Variants in ADGRL2 observed in about 807,000 individuals in gnomAD.
ADGRL2 encodes calcium-independent alpha-latrotoxin receptor 2.
Under a neutral mutation model 157.4 loss-of-function variants are expected in ADGRL2, and 44 were observed. The ratio of observed to expected loss-of-function variants is 0.28; its 90% CI spans 0.22 to 0.36. The LOEUF (loss-of-function observed/expected upper bound fraction) is 0.36, where lower values mean the gene tolerates loss of function less well. Among genes scored for constraint, ADGRL2 ranks in the 10% least tolerant of loss-of-function variants. The pLI is 1.00. For missense variants in ADGRL2, 1,510 were observed against 1,768.9 expected, an observed-to-expected ratio of 0.85 and a Z score of 2.63; for synonymous variants, 585 against 624.7, an observed-to-expected ratio of 0.94 and a Z score of 0.95.
At chr1:81,462,653 A>G (rs543634662) in intron 2 of ADGRL2, among the ~76,000 whole-genome samples, 4 of 152,326 alleles carry the variant, frequency 2.6e-5, no homozygotes, top group African/African-American at 7.2e-5. Flanking sequence ...TCTCATTAAC[A>G]TCTTGCTCCT....
At chr1:81,898,298 C>T (rs1191686429) in intron 2 of ADGRL2, among the ~76,000 whole-genome samples, 1 of 152,162 alleles carries the variant, frequency 6.6e-6, no homozygotes, top group African/African-American at 2.4e-5. Flanking sequence ...CACTTATATA[C>T]AAATTACAAC....
intron 1 of ADGRL2, among the ~76,000 whole-genome samples, chr1:81,351,170 A>G (rs886884035): frequency 2.0e-5 from 3 of 151,954 alleles, no homozygotes; most frequent in Admixed American, 6.5e-5. Context: ...TTAAAGTTGC[A>G]GGAGCCTGGA....
intron 2 of ADGRL2, among the ~76,000 whole-genome samples, chr1:81,547,613 A>G (rs2148364729): frequency 6.6e-6 from 1 of 152,362 alleles, no homozygotes; most frequent in East Asian, 1.9e-4. Context: ...CTCAATAGTT[A>G]AAGAAGAAAT....
chr1:81,640,557 G>A (rs1037141762), intron 3 of ADGRL2, among the ~76,000 whole-genome samples: 16 of 151,728 alleles, frequency 1.1e-4, no homozygotes, highest in East Asian at 3.9e-4. Flanking sequence ...ACTTGAACCC[G>A]GGAGGCGGAG....
chr1:81,501,781 T>TCAGCAGCAGCAGCAGTAGCAG (rs2078854054), intron 2 of ADGRL2: 1 of 1,490,054 alleles, frequency 6.7e-7, no homozygotes, highest in South Asian at 1.2e-5. Context: ...TGGAGCCACT[T>TCAGCAGCAGCAGCAGTAGCAG]CAGCAGCAGC....
At chr1:81,982,006 G>A in intron 19 of ADGRL2, 30 bp downstream of exon 19, 1 of 1,576,332 alleles carries the variant, frequency 6.3e-7, no homozygotes, top group Non-Finnish European at 8.7e-7. Flanking sequence ...TAGGGGCTCA[G>A]GTTACTCATT....
At chr1:81,881,126 C>A (rs1461113413) in intron 2 of ADGRL2, among the ~76,000 whole-genome samples, 1 of 151,904 alleles carries the variant, frequency 6.6e-6, no homozygotes, top group Non-Finnish European at 1.5e-5. Flanking sequence ...ATTGCTAGAA[C>A]TTTATATATA....
chr1:81,331,382 G>C (rs747341153), intron 1 of ADGRL2, among the ~76,000 whole-genome samples: 1 of 152,002 alleles, frequency 6.6e-6, no homozygotes, highest in Non-Finnish European at 1.5e-5. Context: ...GGTATGTTAC[G>C]TTTACTTTGT....
chr1:81,839,764 TC>T (rs897127663), intron 2 of ADGRL2, among the ~76,000 whole-genome samples: 11 of 148,162 alleles, frequency 7.4e-5, no homozygotes, highest in East Asian at 2.0e-4. Context: ...TGTATTTTTT[TC>T]ATCATATATA....
At chr1:81,971,008 A>T (rs2149332148) in intron 16 of ADGRL2, among the ~76,000 whole-genome samples, 1 of 152,246 alleles carries the variant, frequency 6.6e-6, no homozygotes, top group South Asian at 2.1e-4. Context: ...GTTTGAAAGG[A>T]TTAAAATAAG....
intron 2 of ADGRL2, among the ~76,000 whole-genome samples, chr1:81,904,346 A>C (rs2094546586): frequency 6.6e-6 from 1 of 152,248 alleles, no homozygotes; most frequent in African/African-American, 2.4e-5. Flanking sequence ...TTAATGATTT[A>C]AATCAAAATA....
intron 2 of ADGRL2, among the ~76,000 whole-genome samples, chr1:81,493,139 C>G (rs2078666802): frequency 6.6e-6 from 1 of 152,180 alleles, no homozygotes; most frequent in Non-Finnish European, 1.5e-5. Flanking sequence ...CAGAGTCATT[C>G]AGCCTCCAAC....
At chr1:81,664,198 A>G (rs977313741) in intron 3 of ADGRL2, among the ~76,000 whole-genome samples, 7 of 152,196 alleles carry the variant, frequency 4.6e-5, no homozygotes, top group Non-Finnish European at 2.9e-5. Flanking sequence ...TCAAAGAAAT[A>G]TTGGTCAAAT....
At chr1:81,913,331 T>C (rs952431408) in intron 3 of ADGRL2, among the ~76,000 whole-genome samples, 1 of 152,244 alleles carries the variant, frequency 6.6e-6, no homozygotes, top group Admixed American at 6.5e-5. Flanking sequence ...GTATGTGCAT[T>C]ACTTTGTTCT....
At chr1:81,940,450 G>T (rs1647477226) in intron 4 of ADGRL2, among the ~76,000 whole-genome samples, 1 of 151,540 alleles carries the variant, frequency 6.6e-6, no homozygotes, top group Non-Finnish European at 1.5e-5. Context: ...TGAATTTCTT[G>T]TTTTTCAGAT....
chr1:81,374,977 G>A (rs1006548125), intron 1 of ADGRL2, among the ~76,000 whole-genome samples: 1 of 152,126 alleles, frequency 6.6e-6, no homozygotes, highest in Non-Finnish European at 1.5e-5. Context: ...TTGAGACCAC[G>A]GCTGGGTGAG....
chr1:81,817,103 C>T (rs34023414), intron 1 of ADGRL2, among the ~76,000 whole-genome samples: 21,093 of 151,888 alleles, frequency 0.14, 1,669 homozygotes, highest in East Asian at 0.2. Flanking sequence ...ACTTCTCCCA[C>T]GCTCCTACCT....
At chr1:81,420,084 A>C (rs1157222902) in intron 1 of ADGRL2, among the ~76,000 whole-genome samples, 1 of 152,176 alleles carries the variant, frequency 6.6e-6, no homozygotes, top group Non-Finnish European at 1.5e-5. Context: ...GGAAAATCAG[A>C]AAAAAATAGA....
At chr1:81,642,035 A>G (rs977063544) in intron 3 of ADGRL2, among the ~76,000 whole-genome samples, 3 of 151,424 alleles carry the variant, frequency 2.0e-5, no homozygotes, top group Admixed American at 6.6e-5. Flanking sequence ...TGATAAAAGA[A>G]TACTATGCAG....
Sources: allele counts gnomAD v4.1 joint callset (sites outside exome capture counted in the v4.1 genomes callset), GRCh38; gene constraint gnomAD v4.1.1; transcripts MANE v1.5; gene names NCBI Gene and HGNC (gene_info 2026-07-23, HGNC 2026-07-21).